The following ARHGAP42 variants were observed in gnomAD, a reference collection of about 807,000 sequenced individuals.
ARHGAP42 encodes rho GTPase-activating protein 42.
A neutral mutation model predicts 125.0 loss-of-function variants in ARHGAP42; 63 were observed. The ratio of observed to expected loss-of-function variants is 0.50; its 90% CI spans 0.41 to 0.62. The LOEUF is 0.62. Among genes scored for constraint, ARHGAP42 ranks in the 20% least tolerant of loss-of-function variants. The pLI, the probability that ARHGAP42 is intolerant of heterozygous loss-of-function variation, is 0.00. For missense variants in ARHGAP42, 766 were observed against 1,024.2 expected (o/e 0.75, Z 3.44); for synonymous variants, 339 against 351.0 (o/e 0.97, Z 0.38).
At chr11:100,870,515 A>G (rs1268419408) in intron 4 of ARHGAP42, among the ~76,000 whole-genome samples, 1 of 152,188 alleles carries the variant, frequency 6.6e-6, no homozygotes, top group Non-Finnish European at 1.5e-5. Flanking sequence ...TATACGCATT[A>G]CTATTTTTAC....
intron 3 of ARHGAP42, among the ~76,000 whole-genome samples, chr11:100,795,475 TTTAGAGG>T (rs2135033388): frequency 6.6e-6 from 1 of 152,294 alleles, no homozygotes; most frequent in East Asian, 1.9e-4. Flanking sequence ...TCAGCAAACA[TTTAGAGG>T]TTATAACAAC....
chr11:100,891,439 C>CT (rs142290529), intron 4 of ARHGAP42, among the ~76,000 whole-genome samples: 10,964 of 104,828 alleles, frequency 0.1, 725 homozygotes, highest in East Asian at 0.16. Flanking sequence ...AAAGCATCGA[C>CT]TTTTTTTTTT....
At chr11:100,812,752 T>C (rs1015120811) in intron 3 of ARHGAP42, among the ~76,000 whole-genome samples, 1 of 152,164 alleles carries the variant, frequency 6.6e-6, no homozygotes, top group Admixed American at 6.5e-5. Flanking sequence ...CAAATATGGC[T>C]AAAGCACAGG....
At position 100,993,409 on chromosome 11, in the gene ARHGAP42, T is replaced by G. The variant is rs190571797; in HGVS notation, c.*4608T>G. 121 of 167,156 alleles carry G rather than the reference T, an allele frequency of 7.2e-4. 1 individual carries two copies. The highest frequency in any genetic ancestry group is 2.7e-3 in the African/African-American group (112 of 41,558). The allele number at this position is 167,156 out of a possible 1,614,324, so 10.4% of individuals were successfully genotyped here. A position where few individuals can be genotyped will look rare whatever the true frequency, so the allele number is the denominator to read the frequency against. The stretch of plus-strand genomic sequence containing the variant: ...TTATATCTGCCCGTGTACCCTCAAC[T>G]GCCTCCTTTTTGCAGAGAACGATCC... On this transcript the variant is annotated 3_prime_UTR_variant, in exon 24 of 24. Coordinates refer to ENST00000298815, the MANE Select transcript of ARHGAP42 (RefSeq NM_152432.4).
At chr11:100,892,547 A>G (rs1479607556) in intron 4 of ARHGAP42, among the ~76,000 whole-genome samples, 1 of 152,140 alleles carries the variant, frequency 6.6e-6, no homozygotes, top group Admixed American at 6.5e-5. Context: ...GTATAAAGAA[A>G]CCATTCTTAT....
At chr11:100,784,399 G>A (rs1177036754) in intron 2 of ARHGAP42, among the ~76,000 whole-genome samples, 1 of 152,134 alleles carries the variant, frequency 6.6e-6, no homozygotes, top group East Asian at 1.9e-4. Context: ...CATAAAATGA[G>A]TTAGAGCCAC....
chr11:100,986,141 G>C, intron 22 of ARHGAP42: 2 of 453,934 alleles, frequency 4.4e-6, no homozygotes, highest in South Asian at 3.1e-5. Flanking sequence ...GTGTCTAGGG[G>C]AGAAGATAAA....
intron 4 of ARHGAP42, among the ~76,000 whole-genome samples, chr11:100,885,807 T>C (rs1333209511): frequency 6.6e-6 from 1 of 152,206 alleles, no homozygotes; most frequent in Non-Finnish European, 1.5e-5. Context: ...ATAAAATATT[T>C]CAAAATAAGA....
intron 3 of ARHGAP42, among the ~76,000 whole-genome samples, chr11:100,814,068 C>T (rs886173029): frequency 6.6e-6 from 1 of 152,142 alleles, no homozygotes; most frequent in Non-Finnish European, 1.5e-5. Flanking sequence ...TGGCAGATGC[C>T]TGTAATCCCA....
chr11:100,923,547 G>A (rs898304683), intron 6 of ARHGAP42, among the ~76,000 whole-genome samples: 57 of 151,348 alleles, frequency 3.8e-4, no homozygotes, highest in African/African-American at 1.3e-3. Flanking sequence ...TGTATACAGA[G>A]GAGATTGTAA....
intron 1 of ARHGAP42, among the ~76,000 whole-genome samples, chr11:100,758,447 A>G (rs926690348): frequency 6.6e-6 from 1 of 152,166 alleles, no homozygotes; most frequent in African/African-American, 2.4e-5. Context: ...ACTTAAGTAA[A>G]TGATCAATTT....
At position 100,943,744 on chromosome 11, in the gene ARHGAP42, C is replaced by T. The variant is rs1348168166; in HGVS notation, c.934-15C>T. ...TTGTCAGCATGTTAATACTGTGGTA[C>T]TCTTCTTGTTTCAGAATGGCCTTGT... On this transcript the variant is annotated splice_polypyrimidine_tract_variant and intron_variant, in intron 9 of 23. Coordinates refer to ENST00000298815, the MANE Select transcript of ARHGAP42 (RefSeq NM_152432.4). 1.3e-6 allele frequency: 2 copies of T among 1,498,182 alleles called. No individual in the cohort carries two copies. Among genetic ancestry groups the T allele is most frequent in the South Asian group, 1.2e-5 (1 of 81,928 alleles). The allele number at this position is 1,498,182 out of a possible 1,614,324, so 92.8% of individuals were successfully genotyped here.
intron 4 of ARHGAP42, among the ~76,000 whole-genome samples, chr11:100,883,648 A>G (rs980369880): frequency 1.3e-5 from 2 of 152,134 alleles, no homozygotes; most frequent in Non-Finnish European, 2.9e-5. Flanking sequence ...TGACCTTAAC[A>G]CAGTAAAAAT....
At chr11:100,858,134 T>A (rs1019847044) in intron 3 of ARHGAP42, among the ~76,000 whole-genome samples, 18 of 150,926 alleles carry the variant, frequency 1.2e-4, no homozygotes, top group African/African-American at 4.1e-4. Context: ...TTTATGTAAT[T>A]AGGGTTTTAA....
chr11:100,906,614 A>AT lies in ARHGAP42; in HGVS notation c.385-6828dup, dbSNP rs1181793426. ...AATTCATTCTGGAAATATTCCTGAAATTTTTTTTTTGGCAATTCTCTTGAT... is the reference window on the plus strand; with the variant it reads ...AATTCATTCTGGAAATATTCCTGAAATTTTTTTTTTTGGCAATTCTCTTGAT... On this transcript the variant is annotated intron_variant, in intron 4 of 23. Transcript: ENST00000298815. 8.6e-3 allele frequency among the ~76,000 whole-genome samples: 1,284 copies of AT among 150,102 alleles called. 20 individuals carry two copies. Among genetic ancestry groups the AT allele is most frequent in the African/African-American group, 0.03 (1,219 of 41,038 alleles).
chr11:100,967,718 C>G (rs1172819681), intron 17 of ARHGAP42, among the ~76,000 whole-genome samples: 3 of 151,706 alleles, frequency 2.0e-5, no homozygotes, highest in African/African-American at 7.3e-5. Context: ...TTAGACTGAC[C>G]CTTTTCTTTT....
chr11:100,853,447 A>T lies in ARHGAP42; in HGVS notation c.313-6107A>T, dbSNP rs561796674. On this transcript the variant is annotated intron_variant, in intron 3 of 23. Transcript: ENST00000298815. The stretch of plus-strand genomic sequence containing the variant: ...TTCTTACTTTAATCCCCCATTAGAG[A>T]TTGCTGGGTAGAAAGGAATAAAACA... Among the ~76,000 whole-genome samples the T allele has an allele frequency of 4.1e-3, 631 of 152,280 alleles. 3 individuals carry two copies. Among genetic ancestry groups the T allele is most frequent in the Middle Eastern group, 6.8e-3 (2 of 294 alleles).
intron 1 of ARHGAP42, among the ~76,000 whole-genome samples, chr11:100,766,460 C>T (rs191915636): frequency 2.0e-5 from 3 of 152,066 alleles, no homozygotes; most frequent in Admixed American, 2.0e-4. Context: ...AAATCAAGGC[C>T]TTTCTATTAT....
rs1003703164 is a variant in ARHGAP42 at position 100,976,388 on chromosome 11, A to G, written c.2187A>G (p.Gly729=). The G allele has an allele frequency of 6.5e-7, 1 of 1,545,920 alleles. No homozygotes were observed. Among genetic ancestry groups the G allele is most frequent in the Non-Finnish European group, 8.7e-7 (1 of 1,145,484 alleles). The change falls in exon 20 of 24, where the codon GGA becomes GGG. Residue 729 remains glycine, a synonymous_variant. Coordinates refer to ENST00000298815, the MANE Select transcript of ARHGAP42 (RefSeq NM_152432.4). The part of the protein sequence containing the change: ...LVKKEPYGLS[G]LKRASASSLR... ...AGAAAGAGCCTTATGGGCTTTCAGG[A>G]CTGAAAAGAGCTTCTGCTTCTTCTC... is the stretch of plus-strand genomic sequence containing the variant.
Sources: gnomAD v4.1 joint callset for allele counts (sites outside exome capture counted in the v4.1 genomes callset) on GRCh38, gnomAD v4.1.1 for gene constraint, MANE v1.5 for transcripts, NCBI Gene and HGNC (gene_info 2026-07-23, HGNC 2026-07-21) for gene names.